FMN2: variants seen among roughly 807,000 people sequenced by gnomAD.
FMN2 encodes formin 2.
In FMN2, 51 loss-of-function variants were observed where a neutral mutation model predicts 142.3. That is an observed-to-expected ratio of 0.36 (90% confidence interval 0.29 to 0.45). The LOEUF is 0.45. Ranked by LOEUF, FMN2 falls within the 20% of genes least tolerant of loss-of-function variation. FMN2 has a pLI of 1.00. For synonymous variants in FMN2, 882 were observed against 869.8 expected (o/e 1.01, Z -0.25); for missense variants, 1,936 against 2,122.8 (o/e 0.91, Z 1.73).
At chr1:240,450,275 T>C (rs1476003313) in intron 16 of FMN2, among the ~76,000 whole-genome samples, 1 of 152,194 alleles carries the variant, frequency 6.6e-6, no homozygotes, top group Non-Finnish European at 1.5e-5. Context: ...TATTAATACA[T>C]AGATTAGATT....
chr1:240,331,094 CTAAT>C (rs1671359991), intron 11 of FMN2, among the ~76,000 whole-genome samples: 1 of 151,618 alleles, frequency 6.6e-6, no homozygotes, highest in African/African-American at 2.4e-5. Flanking sequence ...AATCTGAAGG[CTAAT>C]TATTTTCTAT....
chr1:240,181,137 T>C (rs1036206820), intron 3 of FMN2, among the ~76,000 whole-genome samples: 1 of 152,186 alleles, frequency 6.6e-6, no homozygotes, highest in African/African-American at 2.4e-5. Context: ...CCCAAAGGGA[T>C]GGGATTACAG....
chr1:240,177,655 A>T (rs1377951946), intron 2 of FMN2, among the ~76,000 whole-genome samples: 2 of 152,168 alleles, frequency 1.3e-5, no homozygotes, highest in South Asian at 2.1e-4. Context: ...GCTACATAGC[A>T]TCTCTCCCTC....
intron 3 of FMN2, chr1:240,180,086 G>T: frequency 6.1e-6 from 5 of 822,634 alleles, no homozygotes; most frequent in African/African-American, 3.6e-5. Flanking sequence ...TTTGCTTCAT[G>T]ATTTGATGTA....
intron 14 of FMN2, among the ~76,000 whole-genome samples, chr1:240,367,265 T>C (rs998360965): frequency 2.6e-5 from 4 of 152,204 alleles, no homozygotes; most frequent in Non-Finnish European, 5.9e-5. Context: ...TGTTTTTTAA[T>C]GACTTGTCTT....
intron 6 of FMN2, chr1:240,235,770 C>G (rs1462819304): frequency 6.6e-6 from 1 of 152,034 alleles, no homozygotes; most frequent in African/African-American, 2.4e-5. Flanking sequence ...GCATAAACCT[C>G]AAGCTTTTCC....
intron 2 of FMN2, among the ~76,000 whole-genome samples, chr1:240,148,373 GAGAGAGAGAAAGAC>G (rs1558321313): frequency 2.8e-5 from 4 of 144,654 alleles, no homozygotes; most frequent in Admixed American, 2.0e-4. Context: ...GAGACAGAGA[GAGAGAGAGAAAGAC>G]AGAGAGAAAG....
At chr1:240,403,514 A>G (rs1363518270) in intron 15 of FMN2, among the ~76,000 whole-genome samples, 1 of 152,134 alleles carries the variant, frequency 6.6e-6, no homozygotes, top group African/African-American at 2.4e-5. Flanking sequence ...GGCGCCTGTA[A>G]TCCCAGCTAC....
chr1:240,446,117 G>A (rs1675801994), intron 16 of FMN2, among the ~76,000 whole-genome samples: 1 of 152,108 alleles, frequency 6.6e-6, no homozygotes, highest in South Asian at 2.1e-4. Flanking sequence ...ATGAAAACCA[G>A]GATATTAAGA....
intron 16 of FMN2, among the ~76,000 whole-genome samples, chr1:240,442,644 T>C (rs1675663178): frequency 6.6e-6 from 1 of 152,194 alleles, no homozygotes; most frequent in South Asian, 2.1e-4. Flanking sequence ...TTGAAAAATA[T>C]CGTTAAGGTT....
At chr1:240,171,619 C>G (rs151074198) in intron 2 of FMN2, among the ~76,000 whole-genome samples, 1 of 152,288 alleles carries the variant, frequency 6.6e-6, no homozygotes, top group East Asian at 1.9e-4. Context: ...AAGGTGGGAA[C>G]CAAACCCTCA....
At chr1:240,452,072 T>A (rs770779210) in intron 16 of FMN2, among the ~76,000 whole-genome samples, 8 of 151,958 alleles carry the variant, frequency 5.3e-5, no homozygotes, top group Non-Finnish European at 1.2e-4. Context: ...TCACCTGTAG[T>A]CCCAGCTACT....
chr1:240,397,586 G>A (rs960877331), intron 15 of FMN2, among the ~76,000 whole-genome samples: 1 of 151,752 alleles, frequency 6.6e-6, no homozygotes, highest in Non-Finnish European at 1.5e-5. Context: ...GACCAGCCTG[G>A]TCAACCAGCC....
intron 2 of FMN2, among the ~76,000 whole-genome samples, chr1:240,142,500 T>TTTATTTATATA (rs1553331235): frequency 2.0e-5 from 3 of 150,786 alleles, no homozygotes; most frequent in African/African-American, 2.5e-5. Context: ...TTTATTTATA[T>TTTATTTATATA]TTTTTGGGGG....
intron 15 of FMN2, among the ~76,000 whole-genome samples, chr1:240,406,088 G>A (rs1332259947): frequency 8.5e-6 from 1 of 118,140 alleles, no homozygotes; most frequent in Non-Finnish European, 1.7e-5. Context: ...GGGAGCGAAG[G>A]GAATCAGCCT....
At chr1:240,391,428 A>C (rs908735003) in intron 14 of FMN2, among the ~76,000 whole-genome samples, 36 of 122,654 alleles carry the variant, frequency 2.9e-4, no homozygotes, top group African/African-American at 8.6e-4. Flanking sequence ...TTTCATGCAC[A>C]GTTCCCATTT....
chr1:240,347,067 C>A (rs1329306579), intron 13 of FMN2, among the ~76,000 whole-genome samples: 1 of 152,046 alleles, frequency 6.6e-6, no homozygotes, highest in Non-Finnish European at 1.5e-5. Context: ...AGAAACATAA[C>A]CCATTAATTT....
At chr1:240,100,776 C>T (rs1052867855) in intron 1 of FMN2, among the ~76,000 whole-genome samples, 4 of 152,146 alleles carry the variant, frequency 2.6e-5, no homozygotes, top group Admixed American at 6.5e-5. Flanking sequence ...CCACTGGAAG[C>T]TTTATTATCT....
At chr1:240,388,406 G>T (rs1049261452) in intron 14 of FMN2, among the ~76,000 whole-genome samples, 14 of 152,044 alleles carry the variant, frequency 9.2e-5, no homozygotes, top group Non-Finnish European at 1.5e-4. Flanking sequence ...CCTGACTAAA[G>T]CTCATGTTCT....
Sources: allele counts gnomAD v4.1 joint callset (sites outside exome capture counted in the v4.1 genomes callset), GRCh38; gene constraint gnomAD v4.1.1; transcripts MANE v1.5; gene names NCBI Gene and HGNC (gene_info 2026-07-23, HGNC 2026-07-21).